Variants in UBE2E3 observed in about 807,000 individuals in gnomAD.
UBE2E3 encodes ubiquitin-conjugating enzyme E2 E3.
Under a neutral mutation model 23.6 loss-of-function variants are expected in UBE2E3, and 5 were observed. The ratio of observed to expected loss-of-function variants is 0.21; its 90% CI spans 0.11 to 0.44. The LOEUF (loss-of-function observed/expected upper bound fraction) is 0.44, where lower values mean the gene tolerates loss of function less well. Among genes scored for constraint, UBE2E3 ranks in the 20% least tolerant of loss-of-function variants. The pLI is 0.99. For missense variants in UBE2E3, 81 were observed against 249.8 expected (o/e 0.32, Z 4.55); for synonymous variants, 78 against 87.5 (o/e 0.89, Z 0.60).
intron 3 of UBE2E3, among the ~76,000 whole-genome samples, chr2:181,042,166 A>G (rs556465228): frequency 2.6e-5 from 4 of 152,202 alleles, no homozygotes; most frequent in Non-Finnish European, 5.9e-5. Context: ...TATCCCCATC[A>G]GTCATTCTAA....
At chr2:181,007,400 T>C (rs1362555856) in intron 3 of UBE2E3, among the ~76,000 whole-genome samples, 3 of 152,198 alleles carry the variant, frequency 2.0e-5, no homozygotes, top group Non-Finnish European at 4.4e-5. Context: ...TAATCAGACC[T>C]TGTGAGTACT....
intron 3 of UBE2E3, among the ~76,000 whole-genome samples, chr2:180,984,893 C>T (rs994912982): frequency 3.3e-5 from 5 of 151,564 alleles, no homozygotes; most frequent in Admixed American, 2.6e-4. Flanking sequence ...AAATTGAACA[C>T]GCATAGAAAA....
At chr2:181,012,728 G>C (rs1043842243) in intron 3 of UBE2E3, among the ~76,000 whole-genome samples, 1 of 152,082 alleles carries the variant, frequency 6.6e-6, no homozygotes, top group Non-Finnish European at 1.5e-5. Flanking sequence ...CAGATATTTA[G>C]TTGTAATTAC....
chr2:181,020,657 C>G (rs1239290532), intron 3 of UBE2E3, among the ~76,000 whole-genome samples: 3 of 152,088 alleles, frequency 2.0e-5, no homozygotes. Context: ...TTTCTTGTGT[C>G]TAAGTTCAAA....
chr2:181,050,223 T>A (rs1371929279), intron 3 of UBE2E3, among the ~76,000 whole-genome samples: 2 of 152,000 alleles, frequency 1.3e-5, no homozygotes, highest in Admixed American at 6.6e-5. Context: ...AAGCAAGAGT[T>A]ACATACTAGT....
chr2:180,991,936 G>T (rs1177848463), intron 3 of UBE2E3, among the ~76,000 whole-genome samples: 2 of 152,176 alleles, frequency 1.3e-5, no homozygotes, highest in Non-Finnish European at 2.9e-5. Flanking sequence ...GACTGTGGTT[G>T]ACCTAGAGTA....
chr2:180,997,249 A>C (rs1179115924), intron 3 of UBE2E3, among the ~76,000 whole-genome samples: 1 of 149,136 alleles, frequency 6.7e-6, no homozygotes, highest in African/African-American at 2.5e-5. Flanking sequence ...ATCTATCTCT[A>C]TTTATTTTTT....
intron 3 of UBE2E3, among the ~76,000 whole-genome samples, chr2:181,021,246 T>G (rs1272576303): frequency 6.6e-6 from 1 of 152,202 alleles, no homozygotes; most frequent in African/African-American, 2.4e-5. Flanking sequence ...AGTATTGTTT[T>G]CCCTTGTGAA....
intron 3 of UBE2E3, among the ~76,000 whole-genome samples, chr2:181,031,801 A>C (rs1686087836): frequency 6.6e-6 from 1 of 152,152 alleles, no homozygotes; most frequent in African/African-American, 2.4e-5. Context: ...CTTAAAAAGA[A>C]GTCGTAAGTT....
intron 3 of UBE2E3, among the ~76,000 whole-genome samples, chr2:181,051,635 T>TAA (rs1416795314): frequency 6.6e-6 from 1 of 151,872 alleles, no homozygotes; most frequent in Non-Finnish European, 1.5e-5. Flanking sequence ...TAGGAACAGT[T>TAA]ATTGCTTATT....
At chr2:181,015,773 T>C (rs1574184239) in intron 3 of UBE2E3, among the ~76,000 whole-genome samples, 1 of 152,144 alleles carries the variant, frequency 6.6e-6, no homozygotes. Flanking sequence ...CACAGAAGCC[T>C]GGACTGGAGT....
At chr2:181,019,339 G>A (rs1444682074) in intron 3 of UBE2E3, among the ~76,000 whole-genome samples, 2 of 152,170 alleles carry the variant, frequency 1.3e-5, no homozygotes, top group East Asian at 3.9e-4. Flanking sequence ...TGTTCAGCCG[G>A]TGCTCAAAAT....
At chr2:181,021,068 G>A (rs1685654496) in intron 3 of UBE2E3, among the ~76,000 whole-genome samples, 1 of 152,172 alleles carries the variant, frequency 6.6e-6, no homozygotes, top group South Asian at 2.1e-4. Flanking sequence ...TATGTGAAAA[G>A]TAGTAATTAT....
intron 4 of UBE2E3, among the ~76,000 whole-genome samples, chr2:181,058,734 A>G (rs1483416315): frequency 6.6e-6 from 1 of 151,854 alleles, no homozygotes; most frequent in African/African-American, 2.4e-5. Context: ...GTGTATATGT[A>G]TATGTGCACA....
chr2:181,059,339 C>T (rs1385374271), intron 4 of UBE2E3, among the ~76,000 whole-genome samples: 1 of 151,704 alleles, frequency 6.6e-6, no homozygotes, highest in Non-Finnish European at 1.5e-5. Flanking sequence ...CTATTCTGTT[C>T]ACTAGTTATA....
At chr2:181,023,713 T>C (rs1685780998) in intron 3 of UBE2E3, among the ~76,000 whole-genome samples, 1 of 152,186 alleles carries the variant, frequency 6.6e-6, no homozygotes, top group Non-Finnish European at 1.5e-5. Flanking sequence ...CTTGGTACCA[T>C]CACTTACCAG....
chr2:181,012,123 C>T (rs1559120798), intron 3 of UBE2E3, among the ~76,000 whole-genome samples: 2 of 152,128 alleles, frequency 1.3e-5, no homozygotes, highest in Non-Finnish European at 2.9e-5. Flanking sequence ...TATGATCAGT[C>T]AGCAACTCCA....
chr2:180,985,478 A>G (rs1000111666), intron 3 of UBE2E3, among the ~76,000 whole-genome samples: 1 of 152,180 alleles, frequency 6.6e-6, no homozygotes, highest in Non-Finnish European at 1.5e-5. Context: ...TTGGCTATAT[A>G]AAATGTTAAA....
intron 3 of UBE2E3, chr2:180,987,502 A>C: frequency 8.0e-7 from 1 of 1,256,110 alleles, no homozygotes; most frequent in East Asian, 2.6e-5. Flanking sequence ...TATACTGGAG[A>C]TATTTGGGGG....
Sources: allele counts gnomAD v4.1 joint callset (sites outside exome capture counted in the v4.1 genomes callset), GRCh38; gene constraint gnomAD v4.1.1; transcripts MANE v1.5; gene names NCBI Gene and HGNC (gene_info 2026-07-23, HGNC 2026-07-21).